The following LINGO2 variants were observed in gnomAD, a reference collection of about 807,000 sequenced individuals.
LINGO2 encodes the protein leucine rich repeat and Ig domain containing 2.
A neutral mutation model predicts 30.6 loss-of-function variants in LINGO2; 14 were observed. The observed-to-expected ratio is 0.46, with a 90% CI of 0.30 to 0.72. The LOEUF is 0.72. Ranked by LOEUF, LINGO2 falls within the 30% of genes least tolerant of loss-of-function variation. The pLI is 0.07. For missense variants in LINGO2, 729 were observed against 751.7 expected (o/e 0.97, Z 0.35); for synonymous variants, 317 against 288.5 (o/e 1.10, Z -1.00).
chr9:29,106,191 T>C, the LINGO2 span, among the ~76,000 whole-genome samples: 2 of 152,314 alleles, frequency 1.3e-5, no homozygotes, highest in African/African-American at 4.8e-5. Context: ...ATAGTAGGTA[T>C]CTGGGTACCT....
At chr9:28,385,448 T>C (rs115926388) in intron 2 of LINGO2, among the ~76,000 whole-genome samples, 133 of 152,246 alleles carry the variant, frequency 8.7e-4, no homozygotes, top group African/African-American at 3.1e-3. Flanking sequence ...GATTGCTGTA[T>C]TCAACTTCAT....
At chr9:28,152,984 A>G (rs886498767) in intron 4 of LINGO2, among the ~76,000 whole-genome samples, 1 of 152,204 alleles carries the variant, frequency 6.6e-6, no homozygotes, top group African/African-American at 2.4e-5. Context: ...TGCTTGATAT[A>G]CAAAATGCCT....
the LINGO2 span, among the ~76,000 whole-genome samples, chr9:28,979,533 C>T: frequency 7.2e-5 from 11 of 152,042 alleles, no homozygotes; most frequent in South Asian, 1.9e-3. Context: ...CACACACACA[C>T]GTGGCCTTGA....
the LINGO2 span, among the ~76,000 whole-genome samples, chr9:29,096,596 T>A: frequency 1.4e-5 from 2 of 140,740 alleles, 1 homozygote; most frequent in Non-Finnish European, 3.1e-5. Flanking sequence ...TCTACATTCT[T>A]TAAAACTCAC....
At chr9:28,343,541 A>C (rs1333922377) in intron 3 of LINGO2, among the ~76,000 whole-genome samples, 3 of 152,218 alleles carry the variant, frequency 2.0e-5, no homozygotes, top group Non-Finnish European at 4.4e-5. Context: ...AGACATCGTG[A>C]TAAAAGTACT....
At chr9:28,468,735 A>G (rs1397990903) in intron 2 of LINGO2, among the ~76,000 whole-genome samples, 1 of 152,196 alleles carries the variant, frequency 6.6e-6, no homozygotes, top group East Asian at 1.9e-4. Flanking sequence ...AAGCATACAC[A>G]CATGCTCAGA....
At chr9:28,606,172 C>T (rs770488321) in intron 1 of LINGO2, among the ~76,000 whole-genome samples, 8 of 151,886 alleles carry the variant, frequency 5.3e-5, no homozygotes, top group East Asian at 3.9e-4. Context: ...TGTCTGCTAC[C>T]GTGACAACAT....
chr9:28,825,925 G>T, the LINGO2 span, among the ~76,000 whole-genome samples: 1 of 152,102 alleles, frequency 6.6e-6, no homozygotes, highest in Non-Finnish European at 1.5e-5. Flanking sequence ...CTGACTTCAT[G>T]GCATGACCAG....
intron 2 of LINGO2, among the ~76,000 whole-genome samples, chr9:28,449,484 TTGAATAC>T (rs1254483374): frequency 1.2e-4 from 19 of 152,116 alleles, no homozygotes; most frequent in African/African-American, 4.6e-4. Context: ...CAATGCTCTT[TTGAATAC>T]TGAGTACTGC....
the LINGO2 span, among the ~76,000 whole-genome samples, chr9:28,984,696 A>T: frequency 1.3e-5 from 2 of 152,098 alleles, no homozygotes; most frequent in Non-Finnish European, 2.9e-5. Flanking sequence ...TTCCTAATAC[A>T]AAGTTGACTC....
At chr9:28,628,376 T>C (rs983336531) in intron 1 of LINGO2, among the ~76,000 whole-genome samples, 4 of 152,052 alleles carry the variant, frequency 2.6e-5, no homozygotes, top group African/African-American at 9.7e-5. Context: ...TTGCAGACAA[T>C]AAATTCACAT....
chr9:28,849,104 C>T, the LINGO2 span, among the ~76,000 whole-genome samples: 4 of 152,058 alleles, frequency 2.6e-5, no homozygotes, highest in African/African-American at 9.7e-5. Context: ...AACATCCACT[C>T]TAGAGTTCTA....
intron 2 of LINGO2, among the ~76,000 whole-genome samples, chr9:28,426,719 C>G (rs542902573): frequency 3.9e-5 from 6 of 152,098 alleles, no homozygotes; most frequent in Non-Finnish European, 7.4e-5. Flanking sequence ...GAGGATGGAG[C>G]TCAATAGATA....
chr9:27,972,019 A>G (rs1820379236), intron 5 of LINGO2, among the ~76,000 whole-genome samples: 1 of 152,134 alleles, frequency 6.6e-6, no homozygotes, highest in Non-Finnish European at 1.5e-5. Context: ...GTTTGTTTAT[A>G]TTTTTCTTCT....
intron 2 of LINGO2, among the ~76,000 whole-genome samples, chr9:28,411,514 C>G (rs936096237): frequency 6.6e-5 from 10 of 152,066 alleles, no homozygotes; most frequent in African/African-American, 2.4e-4. Context: ...ACCATTTCCC[C>G]TTCCTGCCAA....
At chr9:28,106,429 C>G (rs1049948847) in intron 4 of LINGO2, among the ~76,000 whole-genome samples, 4 of 152,162 alleles carry the variant, frequency 2.6e-5, no homozygotes, top group African/African-American at 9.7e-5. Context: ...ATTGCCTTCT[C>G]TCCCCTCTCC....
chr9:28,020,762 T>C (rs773428884), intron 4 of LINGO2, among the ~76,000 whole-genome samples: 8 of 152,156 alleles, frequency 5.3e-5, no homozygotes, highest in East Asian at 1.9e-4. Context: ...CTCCCTGTTT[T>C]GGTAGTTTGT....
intron 4 of LINGO2, among the ~76,000 whole-genome samples, chr9:28,119,887 A>T (rs1029496523): frequency 5.3e-5 from 8 of 152,360 alleles, no homozygotes; most frequent in Non-Finnish European, 5.9e-5. Flanking sequence ...TTCAAGTCAA[A>T]TTTGAAATAA....
At chr9:28,423,327 C>T (rs1287730657) in intron 2 of LINGO2, among the ~76,000 whole-genome samples, 3 of 151,952 alleles carry the variant, frequency 2.0e-5, no homozygotes, top group Non-Finnish European at 4.4e-5. Context: ...TCCTGAGACA[C>T]TCTAGGTCTA....
Sources: gnomAD v4.1 joint callset for allele counts (sites outside exome capture counted in the v4.1 genomes callset) on GRCh38, gnomAD v4.1.1 for gene constraint, MANE v1.5 for transcripts, NCBI Gene and HGNC (gene_info 2026-07-23, HGNC 2026-07-21) for gene names.